Variants in XG observed in about 807,000 individuals in gnomAD.
The protein encoded by XG is glycoprotein Xg.
A neutral mutation model predicts 25.7 loss-of-function variants in XG; 24 were observed. The observed-to-expected ratio is 0.93, with a 90% CI of 0.68 to 1.31. The LOEUF (loss-of-function observed/expected upper bound fraction) is 1.31, where lower values mean the gene tolerates loss of function less well. Ranked by LOEUF, XG falls within the 40% of genes most tolerant of loss-of-function variation. The probability of loss-of-function intolerance (pLI) is 0.00; values close to 1 mark genes in which losing one functional copy is unlikely to be tolerated. For missense variants in XG, 181 were observed against 187.6 expected, an observed-to-expected ratio of 0.96 and a Z score of 0.21; for synonymous variants, 77 against 69.2, an observed-to-expected ratio of 1.11 and a Z score of -0.56.
intron 7 of XG, among the ~76,000 whole-genome samples, chrX:2,800,975 CAAA>C (rs55635919): frequency 1.4e-4 from 5 of 36,428 alleles, no homozygotes; most frequent in Non-Finnish European, 2.5e-4. Flanking sequence ...GACCCTGTCT[CAAA>C]AAAAAAAAAA....
chrX:2,752,926 T>C, intron 1 of XG: 1 of 985,372 alleles, frequency 1.0e-6, no homozygotes. Flanking sequence ...AAGATTAGAT[T>C]TTTCAGTTCC....
intron 1 of XG, among the ~76,000 whole-genome samples, chrX:2,758,110 C>T (rs1326517875): frequency 1.3e-5 from 2 of 152,122 alleles, no homozygotes; most frequent in East Asian, 1.9e-4. Context: ...TCTTGACTTG[C>T]TTCCATTCTG....
chrX:2,772,243 G>A (rs1383804133), intron 2 of XG, among the ~76,000 whole-genome samples: 1 of 152,108 alleles, frequency 6.6e-6, no homozygotes, highest in Non-Finnish European at 1.5e-5. Flanking sequence ...TGGGAGCAGG[G>A]ACTCAAACAG....
At chrX:2,801,759 A>T (rs1332756115) in intron 7 of XG, among the ~76,000 whole-genome samples, 2 of 110,391 alleles carry the variant, frequency 1.8e-5, no homozygotes, top group African/African-American at 3.3e-5. Context: ...CCCAGGCTGG[A>T]GTGCAGTGGC....
chrX:2,785,513 CT>C (rs1255581883), intron 4 of XG, among the ~76,000 whole-genome samples: 2 of 110,711 alleles, frequency 1.8e-5, no homozygotes, highest in African/African-American at 6.5e-5. Context: ...ATCTGACTAA[CT>C]TTTTTTTTCC....
intron 3 of XG, 112 bp downstream of exon 3, chrX:2,774,851 A>G (rs1273346986): frequency 2.2e-6 from 3 of 1,376,048 alleles, no homozygotes; most frequent in Non-Finnish European, 3.1e-6. Context: ...AAGAGATGCA[A>G]CAACTGTACC....
chrX:2,798,321 T>A (rs2086903863), intron 7 of XG, among the ~76,000 whole-genome samples: 1 of 111,065 alleles, frequency 9.0e-6, no homozygotes, highest in Admixed American at 9.6e-5. Flanking sequence ...ACATTTTCCC[T>A]TTGTTAAGAG....
chrX:2,815,574 T>C lies in XG; in HGVS notation c.*1194T>C, dbSNP rs1396947793. 2 of 111,244 alleles carry C rather than the reference T, an allele frequency of 1.8e-5. No individual in the cohort carries two copies. Among genetic ancestry groups the C allele is most frequent in the Admixed American group, 9.6e-5 (1 of 10,382 alleles). 9.2% of individuals were successfully genotyped at this position (111,244 alleles called of 1,213,427 possible). On this transcript the variant is annotated 3_prime_UTR_variant, in exon 11 of 11. Transcript: ENST00000644266. ...GTAAAATATCTTTAATCATTCACAT[T>C]AGGTACCTCGGAGTTGCGGGTCTCA...
At chrX:2,770,432 T>G in intron 1 of XG, 118 bp from the exon 2 acceptor site, 1 of 1,153,306 alleles carries the variant, frequency 8.7e-7, no homozygotes, top group Non-Finnish European at 1.3e-6. Context: ...TCAGGTTAGT[T>G]TTAGTGCTCT....
intron 1 of XG, among the ~76,000 whole-genome samples, chrX:2,768,505 C>T (rs1228144748): frequency 3.9e-5 from 6 of 152,140 alleles, no homozygotes; most frequent in Non-Finnish European, 7.4e-5. Context: ...CGGTGGCTCA[C>T]GCCTGTAATC....
chrX:2,776,208 T>C lies in XG; in HGVS notation c.127+1469T>C, dbSNP rs1468179860. ...CGGCTAATGCTTAATAGTCTCTCGG[T>C]CCTGAGGAAGGGGCTTGATTAACTT... On this transcript the variant is annotated intron_variant, in intron 3 of 10. Transcript: ENST00000644266. Among the ~76,000 whole-genome samples, 459 of 151,412 alleles carry C rather than the reference T, an allele frequency of 3.0e-3. 2 individuals carry two copies. Among genetic ancestry groups the C allele is most frequent in the African/African-American group, 8.7e-3 (355 of 40,980 alleles).
intron 3 of XG, among the ~76,000 whole-genome samples, chrX:2,777,560 T>G (rs368418541): frequency 6.6e-6 from 1 of 152,234 alleles, no homozygotes; most frequent in East Asian, 1.9e-4. Flanking sequence ...GCCACTGCAC[T>G]TCCGCCTGGG....
chrX:2,769,349 T>TC (rs1245795592), intron 1 of XG, among the ~76,000 whole-genome samples: 5 of 152,064 alleles, frequency 3.3e-5, no homozygotes, highest in Non-Finnish European at 7.4e-5. Context: ...TGAGAGATTG[T>TC]CCCCCCTGGA....
At chrX:2,766,207 C>CGA in intron 1 of XG, among the ~76,000 whole-genome samples, 1 of 152,172 alleles carries the variant, frequency 6.6e-6, no homozygotes, top group East Asian at 1.9e-4. Context: ...GTGGCACAGT[C>CGA]TTGGCTCACT....
rs1213405262 is a variant in XG, at chrX:2,752,095, A to G, written c.-180A>G. On this transcript the variant is annotated 5_prime_UTR_variant, in exon 1 of 11. Transcript: ENST00000644266. ...CAGGTTTTCAGCTGTGGAGTTTGGGATCTGAGCTTGGAGCCCATTTGTTTC... is the reference window on the plus strand; with the variant it reads ...CAGGTTTTCAGCTGTGGAGTTTGGGGTCTGAGCTTGGAGCCCATTTGTTTC... 1.0e-6 allele frequency: 1 copy of G among 963,708 alleles called. No individual in the cohort carries two copies. Among genetic ancestry groups the G allele is most frequent in the African/African-American group, 1.6e-5 (1 of 60,940 alleles). 59.7% of individuals were successfully genotyped at this position (963,708 alleles called of 1,614,324 possible).
intron 1 of XG, among the ~76,000 whole-genome samples, chrX:2,753,984 G>T (rs956430562): frequency 6.6e-6 from 1 of 152,178 alleles, no homozygotes; most frequent in Non-Finnish European, 1.5e-5. Context: ...TTGTCCATCC[G>T]TTGGCTGATG....
intron 5 of XG, among the ~76,000 whole-genome samples, chrX:2,794,091 C>A (rs1213061809): frequency 9.1e-6 from 1 of 110,299 alleles, no homozygotes; most frequent in Non-Finnish European, 1.9e-5. Context: ...CCAGGAAGGA[C>A]GGCCAGGAGG....
chrX:2,770,696 CTTG>C, intron 2 of XG, 105 bp downstream of exon 2: 1 of 1,417,104 alleles, frequency 7.1e-7, no homozygotes, highest in Non-Finnish European at 1.0e-6. Flanking sequence ...TTGGGAATTT[CTTG>C]GTCTTGAGAT....
At chrX:2,766,814 C>T (rs1280385914) in intron 1 of XG, among the ~76,000 whole-genome samples, 36 of 152,096 alleles carry the variant, frequency 2.4e-4, no homozygotes, top group Non-Finnish European at 8.8e-5. Context: ...ATCCGCCTGC[C>T]TCGGCCTCCC....
Sources: gnomAD v4.1 joint callset for allele counts (sites outside exome capture counted in the v4.1 genomes callset) on GRCh38, gnomAD v4.1.1 for gene constraint, MANE v1.5 for transcripts, NCBI Gene and HGNC (gene_info 2026-07-23, HGNC 2026-07-21) for gene names.